Variants in EVI5L observed in about 807,000 individuals in gnomAD.
EVI5L encodes the protein ecotropic viral integration site 5 like, also known as EVI5-like protein.
EVI5L carries 30 observed loss-of-function variants against 106.1 expected under a neutral mutation model. The observed-to-expected ratio is 0.28, with a 90% CI of 0.21 to 0.38. The LOEUF (loss-of-function observed/expected upper bound fraction) is 0.38, where lower values mean the gene tolerates loss of function less well. EVI5L is among the 10% of genes least tolerant of loss of function. The pLI is 1.00. For synonymous variants in EVI5L, 489 were observed against 483.3 expected, an observed-to-expected ratio of 1.01 and a Z score of -0.15; for missense variants, 809 against 1,098.0, an observed-to-expected ratio of 0.74 and a Z score of 3.72.
At chr19:7,841,162 C>T (rs1005951441) in intron 1 of EVI5L, among the ~76,000 whole-genome samples, 6 of 152,172 alleles carry the variant, frequency 3.9e-5, no homozygotes, top group African/African-American at 1.4e-4. Flanking sequence ...AAACACAGAA[C>T]ATGGAATGGT....
At position 7,856,405 on chromosome 19, in the gene EVI5L, A is replaced by G. The variant is rs949896368; in HGVS notation, c.1200+337A>G. ...TGCCACTTTGATGGACGAGCCCCGT[A>G]ATTGGGCCACAAGCCACCCCACCCT... On this transcript the variant is annotated intron_variant, in intron 11 of 19. Coordinates refer to ENST00000538904, the MANE Select transcript of EVI5L (RefSeq NM_001159944.3). The surrounding 1 kb of genome is among the most constrained non-coding windows in gnomAD (Gnocchi z 6.6). Among the ~76,000 whole-genome samples the G allele has an allele frequency of 2.5e-4, 38 of 151,998 alleles. 1 individual carries two copies. Among genetic ancestry groups the G allele is most frequent in the Non-Finnish European group, 5.9e-5 (4 of 67,972 alleles).
At chr19:7,849,889 A>G (rs1691532446) in intron 5 of EVI5L, 108 bp from the exon 6 acceptor site, 5 of 826,860 alleles carry the variant, frequency 6.0e-6, no homozygotes, top group Admixed American at 4.8e-5. Context: ...CTAGGGAGCC[A>G]GGTACCGACA....
At chr19:7,840,203 G>A (rs8112084) in intron 1 of EVI5L, among the ~76,000 whole-genome samples, 4 of 152,230 alleles carry the variant, frequency 2.6e-5, no homozygotes, top group African/African-American at 9.6e-5. Context: ...CCTAGGCCAC[G>A]GGCAGTGGCT....
intron 1 of EVI5L, among the ~76,000 whole-genome samples, chr19:7,843,612 GGT>G (rs1168397026): frequency 1.5e-5 from 2 of 133,832 alleles, no homozygotes; most frequent in South Asian, 5.0e-4. Context: ...TGTGTGTATA[GGT>G]GTGTGTGAAT....
rs201162895 is a variant in EVI5L, at chr19:7,849,173, G to A, written c.552+28G>A. 5.8e-4 allele frequency: 928 copies of A among 1,612,050 alleles called. 7 individuals are homozygous for A. The African/African-American group carries it at 0.011, about 20-fold the overall frequency. On this transcript the variant is annotated intron_variant, in intron 4 of 19. Transcript: ENST00000538904. Reference sequence around the variant, plus strand: ...GAGGCCCAGGGCTCCCCGCTCCCTCGGTCCCAAAGGAAGGAGAAGTTCCCC... The same window carrying A: ...GAGGCCCAGGGCTCCCCGCTCCCTCAGTCCCAAAGGAAGGAGAAGTTCCCC...
chr19:7,847,941 G>A lies in EVI5L; in HGVS notation c.327+20G>A, dbSNP rs1378693603. 5.2e-6 allele frequency: 8 copies of A among 1,527,350 alleles called. No individual in the cohort carries two copies. Among genetic ancestry groups the A allele is most frequent in the African/African-American group, 1.4e-5 (1 of 72,336 alleles). 94.6% of individuals were successfully genotyped at this position (1,527,350 alleles called of 1,614,324 possible). The stretch of plus-strand genomic sequence containing the variant: ...CTCAAGGTGGGGGGCGGCCAGGCAG[G>A]CAGGGCTGGGCCGACGGCGTGGGCA... On this transcript the variant is annotated intron_variant, in intron 3 of 19. Coordinates refer to ENST00000538904, the MANE Select transcript of EVI5L (RefSeq NM_001159944.3).
In EVI5L at chr19:7,863,021, C is replaced by T; in HGVS notation, c.1997C>T (p.Ala666Val). ...CGACTGCGGGAGGCGGACAGCATGGCTGCGGTGGCCGAGATGCGGCAGCGC... is the reference window on the plus strand; with the variant it reads ...CGACTGCGGGAGGCGGACAGCATGGTTGCGGTGGCCGAGATGCGGCAGCGC... ...AVRLREADSMAAVAEMRQRIA... is the reference protein window; with the variant it reads ...AVRLREADSMVAVAEMRQRIA... Residue 666 changes from alanine (A) to valine (V), a missense_variant, in exon 18 of 20, where the codon GCT becomes GTT. Physicochemically the swap from Ala to Val is moderately conservative, Grantham distance 64 (BLOSUM62 0). This residue lies in a region of EVI5L where 452 missense variants were observed against 509.9 expected (regional missense o/e 0.89). Coordinates refer to ENST00000538904, the MANE Select transcript of EVI5L (RefSeq NM_001159944.3). The surrounding 1 kb of genome is among the most constrained non-coding windows in gnomAD (Gnocchi z 7.7). 1 of 1,581,612 alleles carries T rather than the reference C, an allele frequency of 6.3e-7. No homozygotes were observed.
chr19:7,842,884 T>C (rs1220147045), intron 1 of EVI5L, among the ~76,000 whole-genome samples: 1 of 151,946 alleles, frequency 6.6e-6, no homozygotes, highest in Non-Finnish European at 1.5e-5. Flanking sequence ...TGAATGTGCA[T>C]GGGTATGTGT....
chr19:7,840,864 C>T (rs1266142691), intron 1 of EVI5L, among the ~76,000 whole-genome samples: 1 of 152,138 alleles, frequency 6.6e-6, no homozygotes, highest in Admixed American at 6.5e-5. Flanking sequence ...GATCCATTCA[C>T]CCGTTGATGG....
rs578214112 is a variant in EVI5L, at chr19:7,847,307, G to A, written c.138-425G>A. Among the ~76,000 whole-genome samples, 16 of 151,658 alleles carry A rather than the reference G, an allele frequency of 1.1e-4. 1 individual carries two copies. The East Asian group carries it at 1.9e-3, about 18-fold the overall frequency. On this transcript the variant is annotated intron_variant, in intron 2 of 19. Transcript: ENST00000538904. ...AACTCCGTCTCAAAAAAAAGGGGGC[G>A]CTGAGGGCAGTGGCTCAAGCCTGTA...
chr19:7,833,311 T>C (rs1433879367), intron 1 of EVI5L, among the ~76,000 whole-genome samples: 1 of 152,256 alleles, frequency 6.6e-6, no homozygotes, highest in East Asian at 1.9e-4. Flanking sequence ...GCTCTGCGTC[T>C]AAAGTCCTCT....
Position 7,853,288 on chromosome 19 carries a change from C to T in EVI5L, c.1101C>T (p.Tyr367=), listed in dbSNP as rs201011824. 1.4e-4 allele frequency: 227 copies of T among 1,613,584 alleles called. No homozygotes were observed. Among genetic ancestry groups the T allele is most frequent in the Non-Finnish European group, 1.8e-4 (213 of 1,179,898 alleles). The change falls in exon 10 of 20, where the codon TAC becomes TAT. Residue 367 remains tyrosine, a synonymous_variant. Transcript: ENST00000538904. The part of the protein sequence containing the change: ...PKKMKRLEKE[Y]AAMKSKEMEE... ...CGATCTGCAGGCTGGAGAAGGAGTA[C>T]GCAGCCATGAAGAGCAAGGAGATGG...
rs1245886459 is a variant in EVI5L, at chr19:7,830,340, G to A, written c.-89G>A. On this transcript the variant is annotated 5_prime_UTR_variant, in exon 1 of 20. Transcript: ENST00000538904. ...CTAGGATCCGGCGGCTCAGCCCGGG[G>A]CGGCGAGGCTCGGCACGGAGATGGC... The A allele has an allele frequency of 6.6e-6, 1 of 151,198 alleles. No individual in the cohort carries two copies. The highest frequency in any genetic ancestry group is 1.5e-5 in the Non-Finnish European group (1 of 67,430). The allele number at this position is 151,198 out of a possible 1,614,324, so 9.4% of individuals were successfully genotyped here. A position where few individuals can be genotyped will look rare whatever the true frequency, so the allele number is the denominator to read the frequency against.
rs76354573 is a variant in EVI5L, at chr19:7,841,207, A to C, written c.-47-5289A>C. 7.4e-4 allele frequency among the ~76,000 whole-genome samples: 112 copies of C among 152,188 alleles called. No individual in the cohort carries two copies. The East Asian group carries it at 0.021, about 28-fold the overall frequency. ...GGGGGCTGATGGAGCTGTTCTGGCA[A>C]CTTGGGCAACTTTGGCCAGTTCTTG... On this transcript the variant is annotated intron_variant, in intron 1 of 19. Transcript: ENST00000538904.
chr19:7,852,184 C>T (rs1352089553), intron 8 of EVI5L, among the ~76,000 whole-genome samples: 1 of 152,242 alleles, frequency 6.6e-6, no homozygotes, highest in African/African-American at 2.4e-5. Flanking sequence ...CACGCCTTGC[C>T]CCGCCCCAGC....
At chr19:7,834,310 C>T (rs182705001) in intron 1 of EVI5L, among the ~76,000 whole-genome samples, 2 of 151,862 alleles carry the variant, frequency 1.3e-5, no homozygotes, top group Non-Finnish European at 1.5e-5. Context: ...GGCAACAGAG[C>T]GAGACTCCAT....
At position 7,863,304 on chromosome 19, in the gene EVI5L, G is replaced by A. The variant is rs1294322832; in HGVS notation, c.2139+24G>A. On this transcript the variant is annotated intron_variant, in intron 19 of 19. Transcript: ENST00000538904. This position sits in a 1 kb window ranked among gnomAD's most constrained non-coding sequence, Gnocchi z 7.7. Reference sequence around the variant, plus strand: ...AGGTGAGCCGGCGCGGGGATGCCGGGGACAGGCCTGGGTGTCGTCGGCCTG... The same window carrying A: ...AGGTGAGCCGGCGCGGGGATGCCGGAGACAGGCCTGGGTGTCGTCGGCCTG... 5 of 1,550,218 alleles carry A rather than the reference G, an allele frequency of 3.2e-6. No homozygotes were observed. Among genetic ancestry groups the A allele is most frequent in the African/African-American group, 2.7e-5 (2 of 73,154 alleles).
At chr19:7,837,643 CAG>C (rs1440781307) in intron 1 of EVI5L, among the ~76,000 whole-genome samples, 5 of 152,184 alleles carry the variant, frequency 3.3e-5, no homozygotes, top group African/African-American at 1.2e-4. Flanking sequence ...GACAGTTTCT[CAG>C]ACTTTCCTTG....
At chr19:7,862,939 C>A in intron 17 of EVI5L, 33 bp from the exon 18 acceptor site, 2 of 1,424,892 alleles carry the variant, frequency 1.4e-6, no homozygotes, top group Non-Finnish European at 1.9e-6. Flanking sequence ...CCCCCTGACC[C>A]GCCCTCCTTT....
Sources: gnomAD v4.1 joint callset for allele counts (sites outside exome capture counted in the v4.1 genomes callset) on GRCh38, gnomAD v4.1.1 for gene constraint, gnomAD v4.1.1 regional missense constraint, Gnocchi (gnomAD v3.1) non-coding constraint, MANE v1.5 for transcripts, NCBI Gene and HGNC (gene_info 2026-07-23, HGNC 2026-07-21) for gene names.